The following SETBP1 variants were observed in gnomAD, a reference collection of about 807,000 sequenced individuals.
SETBP1 encodes the protein SET binding protein 1, also known as SET-binding protein.
A neutral mutation model predicts 101.0 loss-of-function variants in SETBP1; 9 were observed. The ratio of observed to expected loss-of-function variants is 0.09; its 90% CI spans 0.05 to 0.16. The LOEUF (loss-of-function observed/expected upper bound fraction) is 0.16. Among genes scored for constraint, SETBP1 ranks in the 10% least tolerant of loss-of-function variants. SETBP1 has a pLI of 1.00. For synonymous variants in SETBP1, 818 were observed against 788.5 expected (o/e 1.04, Z -0.63); for missense variants, 1,858 against 2,033.8 (o/e 0.91, Z 1.66).
At chr18:45,052,164 GT>G (rs1313599680) in intron 5 of SETBP1, among the ~76,000 whole-genome samples, 1 of 152,156 alleles carries the variant, frequency 6.6e-6, no homozygotes, top group Non-Finnish European at 1.5e-5. Context: ...CTAAGAGATG[GT>G]CCTTGTCCCT....
At chr18:45,043,518 A>T (rs1342979082) in intron 5 of SETBP1, among the ~76,000 whole-genome samples, 3 of 152,174 alleles carry the variant, frequency 2.0e-5, no homozygotes, top group Non-Finnish European at 2.9e-5. Flanking sequence ...GTTTGAGATA[A>T]CAAGGAAGTA....
rs116380710 is a variant in SETBP1 at position 45,020,545 on chromosome 18, G to A, written c.4001-17940G>A. On this transcript the variant is annotated intron_variant, in intron 4 of 5. Coordinates refer to ENST00000649279, the MANE Select transcript of SETBP1 (RefSeq NM_015559.3). ...TCAGATCTTCCCTTAAGGTGGCCAG[G>A]TGAATTTCCTACAGTTTAGGAGCAG... Among the ~76,000 whole-genome samples, 1,457 of 152,258 alleles carry A rather than the reference G, an allele frequency of 9.6e-3. 20 individuals carry two copies. Among genetic ancestry groups the A allele is most frequent in the African/African-American group, 0.033 (1,358 of 41,530 alleles).
At chr18:45,047,357 G>T (rs976500016) in intron 5 of SETBP1, among the ~76,000 whole-genome samples, 2 of 152,162 alleles carry the variant, frequency 1.3e-5, no homozygotes, top group African/African-American at 4.8e-5. Context: ...CTCTTATGGG[G>T]CAGAGTTTAT....
rs573114558 is a variant in SETBP1, at chr18:45,013,434, C to CTTTCTTTCTTTCTTTCT, written c.4001-25048_4001-25047insCTTTCTTTCTTTCTTTT. Among the ~76,000 whole-genome samples, 929 of 150,462 alleles carry CTTTCTTTCTTTCTTTCT rather than the reference C, an allele frequency of 6.2e-3. 13 individuals are homozygous for CTTTCTTTCTTTCTTTCT. The highest frequency in any genetic ancestry group is 0.021 in the African/African-American group (847 of 40,610). On this transcript the variant is annotated intron_variant, in intron 4 of 5. Coordinates refer to ENST00000649279, the MANE Select transcript of SETBP1 (RefSeq NM_015559.3). ...TGACTCTTTCTTTCTTTCTTTCTTT[C>CTTTCTTTCTTTCTTTCT]TTTTTTTTTGTTTTTTGTTTTTTGA...
chr18:45,062,107 A>T (rs1231285664), intron 5 of SETBP1, among the ~76,000 whole-genome samples: 1 of 152,204 alleles, frequency 6.6e-6, no homozygotes, highest in African/African-American at 2.4e-5. Flanking sequence ...GATCTGCAGG[A>T]GGAATGGTTG....
At chr18:44,964,384 T>G (rs2071677474) in intron 4 of SETBP1, among the ~76,000 whole-genome samples, 1 of 152,152 alleles carries the variant, frequency 6.6e-6, no homozygotes, top group Non-Finnish European at 1.5e-5. Context: ...TGGGCAGCTC[T>G]AAATATGTAA....
At chr18:44,902,404 C>T (rs2070071590) in intron 3 of SETBP1, among the ~76,000 whole-genome samples, 1 of 151,272 alleles carries the variant, frequency 6.6e-6, no homozygotes, top group Non-Finnish European at 1.5e-5. Context: ...GTAAAACTTC[C>T]CAGCTAAATT....
At chr18:44,742,246 A>C (rs900344357) in intron 2 of SETBP1, among the ~76,000 whole-genome samples, 1 of 152,236 alleles carries the variant, frequency 6.6e-6, no homozygotes, top group Non-Finnish European at 1.5e-5. Flanking sequence ...GCAATGCAGC[A>C]AAAGTGGGTG....
At chr18:44,688,712 C>A (rs1055909089) in intron 1 of SETBP1, among the ~76,000 whole-genome samples, 26 of 152,222 alleles carry the variant, frequency 1.7e-4, no homozygotes, top group African/African-American at 6.3e-4. Context: ...CTCGGCCTCC[C>A]AAAGTGCTGG....
chr18:45,037,612 A>C (rs1296729078), intron 4 of SETBP1, among the ~76,000 whole-genome samples: 1 of 152,130 alleles, frequency 6.6e-6, no homozygotes, highest in Non-Finnish European at 1.5e-5. Flanking sequence ...CAGAGTTGGA[A>C]AATTGCAGAG....
At chr18:44,983,926 A>G (rs542493661) in intron 4 of SETBP1, among the ~76,000 whole-genome samples, 78 of 152,350 alleles carry the variant, frequency 5.1e-4, no homozygotes, top group African/African-American at 1.9e-3. Flanking sequence ...CATATAGGCC[A>G]GGTGCAGTGG....
rs531974601 is a variant in SETBP1 at position 44,703,348 on chromosome 18, G to GTTTTTTTTTTTTTTTT, written c.486+1547_486+1562dup. ...TCCATAGCATTTCTGTTACCATTAG[G>GTTTTTTTTTTTTTTTT]TTTTTTTTTTTTTTTTTTTTTTTTT... On this transcript the variant is annotated intron_variant, in intron 2 of 5. Coordinates refer to ENST00000649279, the MANE Select transcript of SETBP1 (RefSeq NM_015559.3). Among the ~76,000 whole-genome samples, 11 of 51,444 alleles carry GTTTTTTTTTTTTTTTT rather than the reference G, an allele frequency of 2.1e-4. 2 individuals are homozygous for GTTTTTTTTTTTTTTTT. Among genetic ancestry groups the GTTTTTTTTTTTTTTTT allele is most frequent in the Non-Finnish European group, 3.3e-4 (9 of 27,396 alleles). 33.7% of individuals were successfully genotyped at this position (51,444 alleles called of 152,430 possible).
At chr18:44,731,488 T>C (rs1041263107) in intron 2 of SETBP1, among the ~76,000 whole-genome samples, 10 of 152,228 alleles carry the variant, frequency 6.6e-5, no homozygotes, top group African/African-American at 2.4e-4. Flanking sequence ...GTTGTGATTA[T>C]GGCTTCATCT....
At chr18:44,693,797 CT>C (rs2068972587) in intron 1 of SETBP1, among the ~76,000 whole-genome samples, 1 of 152,212 alleles carries the variant, frequency 6.6e-6, no homozygotes, top group African/African-American at 2.4e-5. Flanking sequence ...TAATCAGTTT[CT>C]GTCAACCAGA....
chr18:44,765,324 G>A (rs4146306), intron 2 of SETBP1, among the ~76,000 whole-genome samples: 125,760 of 152,032 alleles, frequency 0.83, 52,091 homozygotes, highest in Admixed American at 0.87. Flanking sequence ...TTTCCCATTG[G>A]TTTTGTTTCT....
intron 4 of SETBP1, among the ~76,000 whole-genome samples, chr18:44,993,618 A>T (rs1253014053): frequency 2.0e-5 from 3 of 152,060 alleles, no homozygotes; most frequent in Non-Finnish European, 4.4e-5. Flanking sequence ...GAAGTTTATT[A>T]AAAAATACAA....
intron 2 of SETBP1, among the ~76,000 whole-genome samples, chr18:44,769,109 G>A (rs997476507): frequency 6.6e-6 from 1 of 152,172 alleles, no homozygotes; most frequent in African/African-American, 2.4e-5. Flanking sequence ...GAGGGTGCTG[G>A]GGCTTGCTTT....
At chr18:44,738,088 C>G (rs1012912056) in intron 2 of SETBP1, among the ~76,000 whole-genome samples, 1 of 152,192 alleles carries the variant, frequency 6.6e-6, no homozygotes, top group African/African-American at 2.4e-5. Context: ...TCTTCCTCCT[C>G]TGAGAACCTA....
At chr18:44,783,780 C>G (rs1303967036) in intron 2 of SETBP1, among the ~76,000 whole-genome samples, 1 of 152,130 alleles carries the variant, frequency 6.6e-6, no homozygotes, top group Non-Finnish European at 1.5e-5. Flanking sequence ...CTTGACTTGT[C>G]CAAGATTGAA....
Sources: gnomAD v4.1 joint callset for allele counts (sites outside exome capture counted in the v4.1 genomes callset) on GRCh38, gnomAD v4.1.1 for gene constraint, MANE v1.5 for transcripts, NCBI Gene and HGNC (gene_info 2026-07-23, HGNC 2026-07-21) for gene names.